ITFG1: variants seen among roughly 807,000 people sequenced by gnomAD.
ITFG1 encodes the protein integrin alpha FG-GAP repeat containing 1, also known as T-cell immunomodulatory protein.
A neutral mutation model predicts 81.8 loss-of-function variants in ITFG1; 34 were observed. The observed-to-expected ratio is 0.42, with a 90% CI of 0.32 to 0.55. The LOEUF (loss-of-function observed/expected upper bound fraction) is 0.55, where lower values mean the gene tolerates loss of function less well. ITFG1 is among the 20% of genes least tolerant of loss of function. The probability of loss-of-function intolerance (pLI) is 0.17; values close to 1 mark genes in which losing one functional copy is unlikely to be tolerated. For missense variants in ITFG1, 672 were observed against 755.4 expected (o/e 0.89, Z 1.29); for synonymous variants, 285 against 270.6 (o/e 1.05, Z -0.52).
chr16:47,228,360 T>G (rs532439955), intron 13 of ITFG1, among the ~76,000 whole-genome samples: 47 of 152,280 alleles, frequency 3.1e-4, no homozygotes, highest in Middle Eastern at 3.4e-3. Flanking sequence ...AAGGTTTTTT[T>G]TTTGTTTGTT....
intron 12 of ITFG1, among the ~76,000 whole-genome samples, chr16:47,252,400 T>C (rs1162085159): frequency 1.3e-5 from 2 of 152,244 alleles, no homozygotes; most frequent in Non-Finnish European, 2.9e-5. Context: ...AAAGGTCTCA[T>C]CTTGTTTGGT....
intron 14 of ITFG1, chr16:47,218,485 C>G (rs1021025596): frequency 6.6e-6 from 1 of 152,128 alleles, no homozygotes; most frequent in African/African-American, 2.4e-5. Flanking sequence ...ATAAAAAAAA[C>G]TAGGAGTAGT....
intron 14 of ITFG1, among the ~76,000 whole-genome samples, chr16:47,187,845 A>C (rs1183733088): frequency 2.0e-5 from 3 of 152,186 alleles, no homozygotes; most frequent in African/African-American, 4.8e-5. Flanking sequence ...ATGGGAGAAA[A>C]TCTTCGCAAC....
At chr16:47,182,483 TCCCTTGACC>T (rs1453963583) in intron 14 of ITFG1, among the ~76,000 whole-genome samples, 1 of 152,152 alleles carries the variant, frequency 6.6e-6, no homozygotes, top group African/African-American at 2.4e-5. Flanking sequence ...TCTTTAGTAA[TCCCTTGACC>T]CCCTTGAGCC....
At chr16:47,173,759 C>T (rs371290006) in intron 14 of ITFG1, among the ~76,000 whole-genome samples, 13 of 152,138 alleles carry the variant, frequency 8.5e-5, no homozygotes, top group Non-Finnish European at 1.3e-4. Flanking sequence ...AATAAGTTTT[C>T]GCTGGGCGCA....
chr16:47,212,636 A>G (rs1965577537), intron 14 of ITFG1, among the ~76,000 whole-genome samples: 2 of 152,226 alleles, frequency 1.3e-5, no homozygotes, highest in Admixed American at 6.5e-5. Flanking sequence ...AGATTATTCA[A>G]ATGATATATT....
intron 10 of ITFG1, among the ~76,000 whole-genome samples, chr16:47,296,935 A>G (rs1257895928): frequency 6.6e-6 from 1 of 152,182 alleles, no homozygotes; most frequent in East Asian, 1.9e-4. Context: ...TGTGTCTATT[A>G]AATCCATTTG....
At chr16:47,433,825 C>A (rs1969125177) in intron 5 of ITFG1, among the ~76,000 whole-genome samples, 4 of 95,526 alleles carry the variant, frequency 4.2e-5, no homozygotes, top group South Asian at 3.3e-4. Flanking sequence ...GTATAGTTGT[C>A]AATAAGAACT....
intron 12 of ITFG1, among the ~76,000 whole-genome samples, chr16:47,255,185 G>T (rs944935618): frequency 1.3e-5 from 2 of 152,168 alleles, no homozygotes; most frequent in Non-Finnish European, 2.9e-5. Flanking sequence ...TTTTGAAAGA[G>T]AATTATTAAT....
At chr16:47,362,054 T>A (rs771855982) in intron 8 of ITFG1, among the ~76,000 whole-genome samples, 56 of 152,322 alleles carry the variant, frequency 3.7e-4, no homozygotes, top group Non-Finnish European at 5.3e-4. Context: ...CAGCTCCCTC[T>A]CCTGATTTAC....
chr16:47,188,288 A>G (rs1965249335), intron 14 of ITFG1, among the ~76,000 whole-genome samples: 1 of 152,120 alleles, frequency 6.6e-6, no homozygotes, highest in South Asian at 2.1e-4. Context: ...ACTATAAATC[A>G]TGCTACTATA....
intron 8 of ITFG1, among the ~76,000 whole-genome samples, chr16:47,356,551 G>A (rs77666016): frequency 7.9e-5 from 12 of 152,246 alleles, no homozygotes; most frequent in Non-Finnish European, 1.5e-4. Flanking sequence ...TGAGAGAGTC[G>A]GAGGGAATGG....
At chr16:47,206,048 T>G (rs1452806457) in intron 14 of ITFG1, among the ~76,000 whole-genome samples, 1 of 152,130 alleles carries the variant, frequency 6.6e-6, no homozygotes, top group Non-Finnish European at 1.5e-5. Context: ...ATATTTTTAG[T>G]GGAGATGGGG....
chr16:47,387,071 A>G lies in ITFG1; in HGVS notation c.656-11131T>C, dbSNP rs180874676. On this transcript the variant is annotated intron_variant, in intron 6 of 17. Coordinates refer to ENST00000320640, the MANE Select transcript of ITFG1 (RefSeq NM_030790.5). ...CAAACTTAATTATATCAGACCATGG[A>G]GCAATTTATGACCCAAGGTATTGTC... 2.6e-5 allele frequency among the ~76,000 whole-genome samples: 4 copies of G among 152,320 alleles called. No homozygotes were observed. In the East Asian group the frequency reaches 7.7e-4, roughly 29 times the overall value.
intron 5 of ITFG1, among the ~76,000 whole-genome samples, chr16:47,431,026 A>C (rs977630920): frequency 2.0e-5 from 3 of 152,266 alleles, no homozygotes; most frequent in African/African-American, 7.2e-5. Flanking sequence ...AATACAGACT[A>C]GTACAAAATG....
chr16:47,431,394 G>A (rs1969093964), intron 5 of ITFG1, among the ~76,000 whole-genome samples: 1 of 152,170 alleles, frequency 6.6e-6, no homozygotes, highest in Non-Finnish European at 1.5e-5. Flanking sequence ...AAGGGATCTA[G>A]GTTGTGTGCT....
intron 13 of ITFG1, among the ~76,000 whole-genome samples, chr16:47,223,995 CAT>C (rs1965727785): frequency 6.9e-6 from 1 of 144,426 alleles, no homozygotes; most frequent in Non-Finnish European, 1.5e-5. Context: ...TAGTCTCACT[CAT>C]AGGTGGGAAT....
intron 8 of ITFG1, among the ~76,000 whole-genome samples, chr16:47,333,824 T>G (rs1310132133): frequency 6.6e-6 from 1 of 152,246 alleles, no homozygotes; most frequent in Non-Finnish European, 1.5e-5. Flanking sequence ...ACAGTCTTCA[T>G]CATGGACTAG....
intron 10 of ITFG1, among the ~76,000 whole-genome samples, chr16:47,270,189 A>G (rs1966322822): frequency 6.6e-6 from 1 of 152,116 alleles, no homozygotes; most frequent in African/African-American, 2.4e-5. Context: ...CATATCTATA[A>G]AAAAAATTGA....
Sources: gnomAD v4.1 joint callset for allele counts (sites outside exome capture counted in the v4.1 genomes callset) on GRCh38, gnomAD v4.1.1 for gene constraint, MANE v1.5 for transcripts, NCBI Gene and HGNC (gene_info 2026-07-23, HGNC 2026-07-21) for gene names.